Variants in STK3 observed in about 807,000 individuals in gnomAD.
STK3 encodes serine/threonine kinase 3, also known as serine/threonine-protein kinase 3.
In STK3, 41 loss-of-function variants were observed where a neutral mutation model predicts 58.0. That is an observed-to-expected ratio of 0.71 (90% CI 0.55 to 0.92). The LOEUF is 0.92. STK3 is among the 40% of genes least tolerant of loss of function. The pLI, the probability that STK3 is intolerant of heterozygous loss-of-function variation, is 0.00. For missense variants in STK3, 479 were observed against 602.7 expected (o/e 0.79, Z 2.15); for synonymous variants, 170 against 191.0 (o/e 0.89, Z 0.91).
chr8:98,473,564 C>T (rs1005187392), intron 10 of STK3, among the ~76,000 whole-genome samples: 6 of 152,176 alleles, frequency 3.9e-5, no homozygotes, highest in African/African-American at 1.4e-4. Flanking sequence ...GGCAATCAAA[C>T]TTCAACTTGC....
chr8:98,367,325 C>T (rs993297116), downstream of STK3, among the ~76,000 whole-genome samples: 2 of 152,224 alleles, frequency 1.3e-5, no homozygotes, highest in Non-Finnish European at 2.9e-5. Context: ...AGAATCCCAG[C>T]AGGAGATGAG....
chr8:98,604,542 T>C (rs776603760), intron 6 of STK3, among the ~76,000 whole-genome samples: 13 of 152,196 alleles, frequency 8.5e-5, no homozygotes, highest in Non-Finnish European at 8.8e-5. Flanking sequence ...CATATTTCCC[T>C]CTTGCATTGC....
Position 98,774,752 on chromosome 8 carries a change from T to G in STK3, c.94A>C (p.Lys32Gln), listed in dbSNP as rs1487811766. 1 of 1,586,270 alleles carries G rather than the reference T, an allele frequency of 6.3e-7. No individual in the cohort carries two copies. Among genetic ancestry groups the G allele is most frequent in the Admixed American group, 1.8e-5 (1 of 55,214 alleles). The part of the protein sequence containing the change: ...QPEEVFDVLE[K>Q]LGEGSYGSVF... The stretch of plus-strand genomic sequence containing the variant: ...TTTTGTACTTACCCTTCTCCAAGCT[T>G]CTCTAATACATCAAAAACTTCTTCA... The change falls in exon 2 of 11, where the codon AAG becomes CAG. Residue 32 changes from lysine (K) to glutamine (Q), a missense_variant. Lys to Gln is a moderately conservative substitution (Grantham distance 53). This residue lies in a region of STK3 where 44 missense variants were observed against 37.0 expected (regional missense o/e 1.19). Transcript: ENST00000419617.
intron 6 of STK3, among the ~76,000 whole-genome samples, chr8:98,676,098 A>G (rs936194485): frequency 1.3e-5 from 2 of 152,370 alleles, no homozygotes; most frequent in South Asian, 4.1e-4. Context: ...ATATGAAAGC[A>G]GCCAGACAGA....
At chr8:98,889,971 A>G (rs963977013) in intron 1 of STK3, 1 of 152,242 alleles carries the variant, frequency 6.6e-6, no homozygotes, top group Non-Finnish European at 1.5e-5. Context: ...TTTAAGGAGA[A>G]GACCCCAGCC....
chr8:98,704,844 T>A (rs1282812717), intron 6 of STK3, among the ~76,000 whole-genome samples: 1 of 152,114 alleles, frequency 6.6e-6, no homozygotes, highest in Non-Finnish European at 1.5e-5. Context: ...AAGTCCTAAG[T>A]TAAATCCCAG....
rs972897313 is a variant in STK3 at position 98,800,672 on chromosome 8, C to T, written c.26+24843G>A. On this transcript the variant is annotated intron_variant, in intron 1 of 10. Transcript: ENST00000419617. The surrounding 1 kb of genome is among the most constrained non-coding windows in gnomAD (Gnocchi z 4.8). The stretch of plus-strand genomic sequence containing the variant: ...GGGTGGGTGTGGGCTTGATGGGCCC[C>T]GCACTCAGAGTGGCCAGCTGATGCC... Among the ~76,000 whole-genome samples the T allele has an allele frequency of 7.9e-5, 12 of 152,310 alleles. No homozygotes were observed. The highest frequency in any genetic ancestry group is 2.6e-4 in the Admixed American group (4 of 15,310).
chr8:98,692,033 A>G (rs931268199), intron 6 of STK3, among the ~76,000 whole-genome samples: 2 of 152,190 alleles, frequency 1.3e-5, no homozygotes, highest in African/African-American at 4.8e-5. Context: ...GTTCAATATC[A>G]CTAGTCATCA....
chr8:98,367,173 T>C (rs1297464759), downstream of STK3, among the ~76,000 whole-genome samples: 6 of 152,244 alleles, frequency 3.9e-5, no homozygotes, highest in Non-Finnish European at 2.9e-5. Context: ...TGAGATTAGA[T>C]ATGTGAAAGC....
chr8:98,410,385 G>A (rs758735161), intron 3 of STK3, among the ~76,000 whole-genome samples: 3 of 152,078 alleles, frequency 2.0e-5, no homozygotes, highest in Non-Finnish European at 4.4e-5. Context: ...ACTAACATGT[G>A]GCCCTATCTG....
At chr8:98,447,851 A>ACC (rs1819023970) in intron 1 of STK3, among the ~76,000 whole-genome samples, 1 of 149,046 alleles carries the variant, frequency 6.7e-6, no homozygotes, top group Non-Finnish European at 1.5e-5. Flanking sequence ...AAGATTAAAA[A>ACC]ACTAGCAACC....
At chr8:98,538,731 G>T (rs535638416) in intron 9 of STK3, among the ~76,000 whole-genome samples, 3 of 152,162 alleles carry the variant, frequency 2.0e-5, no homozygotes, top group African/African-American at 4.8e-5. Context: ...TTACATCCTT[G>T]TGTGTGTTTT....
chr8:98,487,638 A>G (rs1239475181), intron 10 of STK3, among the ~76,000 whole-genome samples: 1 of 152,204 alleles, frequency 6.6e-6, no homozygotes, highest in Non-Finnish European at 1.5e-5. Context: ...TCTAACATTT[A>G]GTTAAAAGTT....
rs139206307 is a variant in STK3 at position 98,501,965 on chromosome 8, G to A, written c.1317+24777C>T. 1.8e-3 allele frequency among the ~76,000 whole-genome samples: 275 copies of A among 152,272 alleles called. 3 individuals are homozygous for A. Among genetic ancestry groups the A allele is most frequent in the African/African-American group, 6.1e-3 (253 of 41,556 alleles). ...AGAAAGGCATTGGTAGCTTGACGGCGATGGCATTGAATCTATAAATTACTT... is the reference window on the plus strand; with the variant it reads ...AGAAAGGCATTGGTAGCTTGACGGCAATGGCATTGAATCTATAAATTACTT... On this transcript the variant is annotated intron_variant, in intron 10 of 10. Transcript: ENST00000419617.
intron 4 of STK3, among the ~76,000 whole-genome samples, chr8:98,725,552 C>T (rs1290978695): frequency 1.3e-5 from 2 of 152,030 alleles, no homozygotes; most frequent in Non-Finnish European, 2.9e-5. Context: ...ATTTGCCATC[C>T]AAGGAACTAA....
chr8:98,741,514 G>C (rs921199301), intron 4 of STK3, among the ~76,000 whole-genome samples: 15 of 152,160 alleles, frequency 9.9e-5, no homozygotes, highest in African/African-American at 3.4e-4. Flanking sequence ...ATAATGAAAC[G>C]AAGGCAGAAA....
At chr8:98,425,970 A>G (rs1586556313) in intron 3 of STK3, among the ~76,000 whole-genome samples, 1 of 152,086 alleles carries the variant, frequency 6.6e-6, no homozygotes, top group South Asian at 2.1e-4. Flanking sequence ...CACCAAAGGG[A>G]GGGGGCTCCC....
At chr8:98,613,271 A>G (rs1035847884) in intron 6 of STK3, among the ~76,000 whole-genome samples, 1 of 152,222 alleles carries the variant, frequency 6.6e-6, no homozygotes, top group Non-Finnish European at 1.5e-5. Context: ...AATAAGATCC[A>G]GTCTCAGAAT....
intron 3 of STK3, among the ~76,000 whole-genome samples, chr8:98,834,300 A>G (rs1835668072): frequency 6.6e-6 from 1 of 152,212 alleles, no homozygotes; most frequent in East Asian, 1.9e-4. Flanking sequence ...ATTCATGGCA[A>G]CTTGAATCTG....
Sources: gnomAD v4.1 joint callset for allele counts (sites outside exome capture counted in the v4.1 genomes callset) on GRCh38, gnomAD v4.1.1 for gene constraint, gnomAD v4.1.1 regional missense constraint, Gnocchi (gnomAD v3.1) non-coding constraint, MANE v1.5 for transcripts, NCBI Gene and HGNC (gene_info 2026-07-23, HGNC 2026-07-21) for gene names.